ADGRB3: variants seen among roughly 807,000 people sequenced by gnomAD.
The protein encoded by ADGRB3 is adhesion G protein-coupled receptor B3.
A neutral mutation model predicts 193.4 loss-of-function variants in ADGRB3; 37 were observed. The ratio of observed to expected loss-of-function variants is 0.19; its 90% CI spans 0.15 to 0.25. ADGRB3 has a LOEUF of 0.25. ADGRB3 is among the 10% of genes least tolerant of loss of function. The pLI, the probability that ADGRB3 is intolerant of heterozygous loss-of-function variation, is 1.00. For synonymous variants in ADGRB3, 690 were observed against 644.2 expected (o/e 1.07, Z -1.08); for missense variants, 1,637 against 1,852.9 (o/e 0.88, Z 2.14).
At position 68,749,408 on chromosome 6, in the gene ADGRB3, A is replaced by ATATATGTG. The variant is rs540892508; in HGVS notation, c.757+109977_757+109978insATATGTGT. 1.3e-3 allele frequency among the ~76,000 whole-genome samples: 180 copies of ATATATGTG among 136,556 alleles called. 1 individual carries two copies. The highest frequency in any genetic ancestry group is 4.5e-3 in the African/African-American group (162 of 35,816). The allele number at this position is 136,556 out of a possible 152,430, so 89.6% of individuals were successfully genotyped here. A position where few individuals can be genotyped will look rare whatever the true frequency, so the allele number is the denominator to read the frequency against. ...TAAACTCCCCTTTATATATATATAT[A>ATATATGTG]TGTGTGTGTGTGTGTGTGTGTGTGT... On this transcript the variant is annotated intron_variant, in intron 3 of 31. Transcript: ENST00000370598.
Position 69,325,038 on chromosome 6 carries a change from T to TCAATATGCTTGTATATC in ADGRB3, c.2965+16_2965+17insCAATATGCTTGTATATC. 1 of 1,608,672 alleles carries TCAATATGCTTGTATATC rather than the reference T, an allele frequency of 6.2e-7. No homozygotes were observed. Among genetic ancestry groups the TCAATATGCTTGTATATC allele is most frequent in the South Asian group, 1.1e-5 (1 of 90,324 alleles). On this transcript the variant is annotated intron_variant, in intron 21 of 31. Transcript: ENST00000370598. ...CTTGGATGGGGTAAGCATATTGATA[T>TCAATATGCTTGTATATC]ACCGTTTCATGCTCTTCTCAAAATG...
chr6:68,860,624 T>A (rs1269376614), intron 3 of ADGRB3, among the ~76,000 whole-genome samples: 1 of 152,222 alleles, frequency 6.6e-6, no homozygotes, highest in Non-Finnish European at 1.5e-5. Context: ...ATATGCCACA[T>A]ATTCTTTATC....
At chr6:68,788,489 T>C (rs1453114732) in intron 3 of ADGRB3, among the ~76,000 whole-genome samples, 2 of 152,188 alleles carry the variant, frequency 1.3e-5, no homozygotes, top group East Asian at 3.8e-4. Context: ...TAATCCTGAG[T>C]TCTAGTTTGA....
chr6:69,299,854 T>G (rs1312846255), intron 20 of ADGRB3, among the ~76,000 whole-genome samples: 1 of 151,902 alleles, frequency 6.6e-6, no homozygotes, highest in Non-Finnish European at 1.5e-5. Context: ...AGATTTTTTT[T>G]GACTATTCTG....
At chr6:68,700,814 C>A (rs1262135327) in intron 3 of ADGRB3, among the ~76,000 whole-genome samples, 1 of 123,868 alleles carries the variant, frequency 8.1e-6, no homozygotes, top group Non-Finnish European at 1.6e-5. Context: ...CACACCGGGG[C>A]CTGTCGTAGG....
chr6:69,335,414 A>G (rs1206518646), intron 24 of ADGRB3, among the ~76,000 whole-genome samples: 1 of 152,148 alleles, frequency 6.6e-6, no homozygotes, highest in East Asian at 1.9e-4. Flanking sequence ...CTCCTAGAGA[A>G]ACAGAAATGT....
At chr6:69,183,989 A>G (rs770351365) in intron 17 of ADGRB3, among the ~76,000 whole-genome samples, 4 of 152,158 alleles carry the variant, frequency 2.6e-5, no homozygotes, top group Non-Finnish European at 5.9e-5. Context: ...TAAAGTTCAC[A>G]AAAACTCAAG....
intron 21 of ADGRB3, among the ~76,000 whole-genome samples, chr6:69,325,312 A>T (rs1367075141): frequency 1.3e-5 from 2 of 152,130 alleles, no homozygotes; most frequent in African/African-American, 2.4e-5. Context: ...CTCTGTTAAT[A>T]TTTTCTGAAA....
intron 17 of ADGRB3, among the ~76,000 whole-genome samples, chr6:69,088,194 T>C (rs1772602692): frequency 6.6e-6 from 1 of 152,202 alleles, no homozygotes; most frequent in African/African-American, 2.4e-5. Context: ...GAATGAAGTT[T>C]TTAATTTTAT....
intron 3 of ADGRB3, among the ~76,000 whole-genome samples, chr6:68,807,212 T>G (rs1767417479): frequency 6.7e-6 from 1 of 148,642 alleles, no homozygotes; most frequent in Non-Finnish European, 1.5e-5. Flanking sequence ...GATGTTAATT[T>G]TTCTTTTTCT....
At chr6:68,746,960 C>T (rs1223326168) in intron 3 of ADGRB3, among the ~76,000 whole-genome samples, 1 of 152,092 alleles carries the variant, frequency 6.6e-6, no homozygotes, top group Non-Finnish European at 1.5e-5. Context: ...GCAGCAGGCT[C>T]ACAGTCATCT....
intron 13 of ADGRB3, among the ~76,000 whole-genome samples, chr6:69,045,611 C>T (rs1025002592): frequency 1.3e-5 from 2 of 151,984 alleles, no homozygotes; most frequent in African/African-American, 4.8e-5. Context: ...AAACAACATG[C>T]TTTACATGAT....
intron 17 of ADGRB3, among the ~76,000 whole-genome samples, chr6:69,173,634 T>G (rs1249095930): frequency 8.6e-5 from 13 of 152,030 alleles, no homozygotes; most frequent in Non-Finnish European, 1.8e-4. Flanking sequence ...TAATAGTCAA[T>G]TAACCTTGTA....
At chr6:68,804,543 CATATT>C (rs1422193427) in intron 3 of ADGRB3, among the ~76,000 whole-genome samples, 2 of 152,208 alleles carry the variant, frequency 1.3e-5, no homozygotes, top group Middle Eastern at 3.4e-3. Context: ...CAGTTCTCAG[CATATT>C]ATAAGTAATC....
intron 3 of ADGRB3, among the ~76,000 whole-genome samples, chr6:68,794,434 T>A (rs1408590230): frequency 6.6e-6 from 1 of 152,108 alleles, no homozygotes; most frequent in African/African-American, 2.4e-5. Flanking sequence ...TGCAAGCCAA[T>A]TCATTTTGCT....
At chr6:69,020,875 G>A (rs1354385807) in intron 13 of ADGRB3, among the ~76,000 whole-genome samples, 1 of 151,950 alleles carries the variant, frequency 6.6e-6, no homozygotes, top group Non-Finnish European at 1.5e-5. Flanking sequence ...ATCAAATTAA[G>A]TAATATGAAT....
intron 17 of ADGRB3, among the ~76,000 whole-genome samples, chr6:69,096,539 T>C (rs1772883157): frequency 6.6e-6 from 1 of 152,162 alleles, no homozygotes; most frequent in Non-Finnish European, 1.5e-5. Flanking sequence ...CCCATTGTCC[T>C]ATTTTTAAAA....
At chr6:68,924,753 T>C (rs1442809820) in intron 3 of ADGRB3, among the ~76,000 whole-genome samples, 1 of 151,962 alleles carries the variant, frequency 6.6e-6, no homozygotes, top group Non-Finnish European at 1.5e-5. Context: ...CTGTAAGAAA[T>C]AGCATTTTGG....
At chr6:69,229,822 T>A (rs2127255152) in intron 17 of ADGRB3, among the ~76,000 whole-genome samples, 1 of 152,214 alleles carries the variant, frequency 6.6e-6, no homozygotes, top group East Asian at 1.9e-4. Flanking sequence ...AATACTCAGA[T>A]CCAAAAAGAA....
Sources: gnomAD v4.1 joint callset for allele counts (sites outside exome capture counted in the v4.1 genomes callset) on GRCh38, gnomAD v4.1.1 for gene constraint, MANE v1.5 for transcripts, NCBI Gene and HGNC (gene_info 2026-07-23, HGNC 2026-07-21) for gene names.